The following PRR14 variants were observed in gnomAD, a reference collection of about 807,000 sequenced individuals.
The protein encoded by PRR14 is proline-rich protein 14.
In PRR14, 33 loss-of-function variants were observed where a neutral mutation model predicts 57.2. The observed-to-expected ratio is 0.58, with a 90% CI of 0.44 to 0.77. The LOEUF (loss-of-function observed/expected upper bound fraction) is 0.77, where lower values mean the gene tolerates loss of function less well. Among genes scored for constraint, PRR14 ranks in the 30% least tolerant of loss-of-function variants. The probability of loss-of-function intolerance (pLI) is 0.00; values close to 1 mark genes in which losing one functional copy is unlikely to be tolerated. For synonymous variants in PRR14, 303 were observed against 314.7 expected, an observed-to-expected ratio of 0.96 and a Z score of 0.39; for missense variants, 716 against 788.1, an observed-to-expected ratio of 0.91 and a Z score of 1.10.
intron 7 of PRR14, 27 bp from the exon 8 acceptor site, chr16:30,654,602 C>T: frequency 6.5e-7 from 1 of 1,540,332 alleles, no homozygotes; most frequent in Non-Finnish European, 8.8e-7. Flanking sequence ...CAAGGAATAT[C>T]CACCTGTGAC....
At chr16:30,654,120 CT>C (rs2052340410) in intron 6 of PRR14, 109 bp from the exon 7 acceptor site, 2 of 748,992 alleles carry the variant, frequency 2.7e-6, no homozygotes, top group East Asian at 4.9e-5. Context: ...CAGAGCAAGG[CT>C]CTGTCTCAAA....
chr16:30,656,168 C>T lies in PRR14; in HGVS notation c.1615C>T (p.Arg539Trp), dbSNP rs2052370376. The change falls in exon 12 of 12, where the codon CGG becomes TGG. Residue 539 changes from arginine (R) to tryptophan (W), a missense_variant. By Grantham distance (101) the Arg-to-Trp change is moderately radical. Coordinates refer to ENST00000300835, the MANE Select transcript of PRR14 (RefSeq NM_024031.5). Reference sequence around the variant, plus strand: ...ATCACGAAGACCGTCCCGTGGGGTCCGGGCTGCAGGGGGCAGGACTGTTCC... The same window carrying T: ...ATCACGAAGACCGTCCCGTGGGGTCTGGGCTGCAGGGGGCAGGACTGTTCC... ...PRSRRPSRGV[R>W]AAGGRTVPPN... 4.4e-6 allele frequency: 7 copies of T among 1,600,898 alleles called. No homozygotes were observed. The highest frequency in any genetic ancestry group is 1.7e-4 in the Middle Eastern group (1 of 6,016).
In PRR14 at chr16:30,652,278, G is replaced by A; in HGVS notation, c.192+314G>A. On this transcript the variant is annotated intron_variant, in intron 3 of 11. Coordinates refer to ENST00000300835, the MANE Select transcript of PRR14 (RefSeq NM_024031.5). ...AGGGTCTTGCTATGTTGCACAAGCT[G>A]GTCTCAAACTGGCATCAAGCGATCT... The A allele has an allele frequency of 5.1e-6, 3 of 587,148 alleles. 1 individual carries two copies. The highest frequency in any genetic ancestry group is 5.4e-4 in the Middle Eastern group (2 of 3,722). 36.4% of individuals were successfully genotyped at this position (587,148 alleles called of 1,614,324 possible). A position where few individuals can be genotyped will look rare whatever the true frequency, so the allele number is the denominator to read the frequency against.
rs3747481 is a variant in PRR14, at chr16:30,655,046, C to T, written c.1076C>T (p.Pro359Leu). Residue 359 changes from proline (P) to leucine (L), a missense_variant, in exon 8 of 12, where the codon CCG becomes CTG. Physicochemically the swap from Pro to Leu is moderately conservative, Grantham distance 98. Transcript: ENST00000300835. This position sits in a 1 kb window ranked among gnomAD's most constrained non-coding sequence, Gnocchi z 4.6. ...PAPPQPSRPR[P>L]RRHTVGGGEM... ...CCACCCCAACCAAGCCGACCACGGC[C>T]GCGGCGGCACACTGTGGGTGGTGGG... is the stretch of plus-strand genomic sequence containing the variant. The T allele has an allele frequency of 0.29, 461,941 of 1,610,330 alleles. 76,109 individuals carry two copies. The highest frequency in any genetic ancestry group is 0.67 in the South Asian group (61,088 of 90,998).
Position 30,651,564 on chromosome 16 carries a change from CCCCCCGCT to C in PRR14, c.-50-18_-50-11del, listed in dbSNP as rs904170859. 70 of 802,626 alleles carry C rather than the reference CCCCCCGCT, an allele frequency of 8.7e-5. No homozygotes were observed. Among genetic ancestry groups the C allele is most frequent in the Non-Finnish European group, 9.6e-5 (51 of 532,246 alleles). The allele number at this position is 802,626 out of a possible 1,614,324, so 49.7% of individuals were successfully genotyped here. ...GCCCCAGGGAAGGGGCCGGCCCTCA[CCCCCCGCT>C]CCCCCGCTCCCCCCTTACCCCAGGC... On this transcript the variant is annotated intron_variant, in intron 1 of 11. Transcript: ENST00000300835. This position sits in a 1 kb window ranked among gnomAD's most constrained non-coding sequence, Gnocchi z 5.0.
rs2052364326 is a variant in PRR14, at chr16:30,655,712, T to G, written c.1406+119T>G. On this transcript the variant is annotated intron_variant, in intron 10 of 11. Coordinates refer to ENST00000300835, the MANE Select transcript of PRR14 (RefSeq NM_024031.5). This position sits in a 1 kb window ranked among gnomAD's most constrained non-coding sequence, Gnocchi z 4.6. ...GTCCAGCCTGAAAGATTCAATTCGGTGTGGGGATGGTTTGTGCTCAAAATT... is the reference window on the plus strand; with the variant it reads ...GTCCAGCCTGAAAGATTCAATTCGGGGTGGGGATGGTTTGTGCTCAAAATT... 1 of 1,288,916 alleles carries G rather than the reference T, an allele frequency of 7.8e-7. No individual in the cohort carries two copies. Among genetic ancestry groups the G allele is most frequent in the African/African-American group, 1.5e-5 (1 of 68,208 alleles). 79.8% of individuals were successfully genotyped at this position (1,288,916 alleles called of 1,614,324 possible).
rs368629226 is a variant in PRR14 at position 30,651,094 on chromosome 16, GC to G, written c.-82del. 10 of 453,652 alleles carry G rather than the reference GC, an allele frequency of 2.2e-5. No individual in the cohort carries two copies. The highest frequency in any genetic ancestry group is 2.0e-4 in the African/African-American group (10 of 50,114). 28.1% of individuals were successfully genotyped at this position (453,652 alleles called of 1,614,324 possible). The stretch of plus-strand genomic sequence containing the variant: ...GCTGAAGCTTACAGGGGAAGGAAAA[GC>G]CTCGCCCGGCGTCTGATTGGCGGAA... On this transcript the variant is annotated 5_prime_UTR_variant, in exon 1 of 12. An upstream open reading frame in the 5' UTR loses its in-frame stop. Coordinates refer to ENST00000300835, the MANE Select transcript of PRR14 (RefSeq NM_024031.5). The surrounding 1 kb of genome is among the most constrained non-coding windows in gnomAD (Gnocchi z 5.0).
Position 30,656,393 on chromosome 16 carries a change from A to C in PRR14, c.*82A>C. The C allele has an allele frequency of 7.6e-7, 1 of 1,322,706 alleles. No individual in the cohort carries two copies. The highest frequency in any genetic ancestry group is 1.5e-5 in the African/African-American group (1 of 67,230). The allele number at this position is 1,322,706 out of a possible 1,614,324, so 81.9% of individuals were successfully genotyped here. A position where few individuals can be genotyped will look rare whatever the true frequency, so the allele number is the denominator to read the frequency against. ...TTTTTTTTTCTCTATATTTCTAGTAAAGTTTTCGATATGTTTCTGATTCTT... is the reference window on the plus strand; with the variant it reads ...TTTTTTTTTCTCTATATTTCTAGTACAGTTTTCGATATGTTTCTGATTCTT... On this transcript the variant is annotated 3_prime_UTR_variant, in exon 12 of 12. Coordinates refer to ENST00000300835, the MANE Select transcript of PRR14 (RefSeq NM_024031.5).
At position 30,651,622 on chromosome 16, in the gene PRR14, C is replaced by G. The variant is rs1402911991; in HGVS notation, c.-24C>G. ...CCGCAGCCTGGGATTCCCCAGGGAC[C>G]CCCCCGGAGCCGCCGCGTCTCCCAT... On this transcript the variant is annotated 5_prime_UTR_variant, in exon 2 of 12. Transcript: ENST00000300835. This position sits in a 1 kb window ranked among gnomAD's most constrained non-coding sequence, Gnocchi z 5.0. 1.3e-6 allele frequency: 2 copies of G among 1,584,460 alleles called. No individual in the cohort carries two copies. The highest frequency in any genetic ancestry group is 1.4e-5 in the African/African-American group (1 of 74,034).
In PRR14 at chr16:30,655,946, C is replaced by T. The variant is rs1567540026; in HGVS notation, c.1478+7C>T. The T allele has an allele frequency of 1.4e-5, 23 of 1,613,694 alleles. No individual in the cohort carries two copies. Among genetic ancestry groups the T allele is most frequent in the Non-Finnish European group, 1.9e-5 (22 of 1,179,680 alleles). ...AATCACCCACAACCAGGAGGTGAGACACTTGGAAGGCTAGAGGGTGGCAGA... is the reference window on the plus strand; with the variant it reads ...AATCACCCACAACCAGGAGGTGAGATACTTGGAAGGCTAGAGGGTGGCAGA... On this transcript the variant is annotated splice_region_variant and intron_variant, in intron 11 of 11. Transcript: ENST00000300835. The surrounding 1 kb of genome is among the most constrained non-coding windows in gnomAD (Gnocchi z 4.6).
upstream of PRR14, chr16:30,650,827 G>A (rs1400810714): frequency 3.0e-6 from 1 of 334,046 alleles, no homozygotes; most frequent in East Asian, 8.0e-5. Flanking sequence ...CTTGGGGGAG[G>A]GCAAGGAGTG....
At chr16:30,653,333 C>T in intron 5 of PRR14, 32 bp from the exon 6 acceptor site, 1 of 1,611,298 alleles carries the variant, frequency 6.2e-7, no homozygotes, top group Non-Finnish European at 8.5e-7. Context: ...GGCTTTCCTG[C>T]CTCCCCACAA....
At position 30,651,457 on chromosome 16, in the gene PRR14, G is replaced by A. The variant is rs1017786355; in HGVS notation, c.-50-139G>A. Reference sequence around the variant, plus strand: ...CAGCGGGAGGACACCCGCTCCGGGCGACCGGCCGGGGGCGCCCTTTCGCGC... The same window carrying A: ...CAGCGGGAGGACACCCGCTCCGGGCAACCGGCCGGGGGCGCCCTTTCGCGC... On this transcript the variant is annotated intron_variant, in intron 1 of 11. Transcript: ENST00000300835. This position sits in a 1 kb window ranked among gnomAD's most constrained non-coding sequence, Gnocchi z 5.0. The A allele has an allele frequency of 1.0e-4, 49 of 492,444 alleles. No homozygotes were observed. The highest frequency in any genetic ancestry group is 1.3e-4 in the Non-Finnish European group (37 of 281,294). 30.5% of individuals were successfully genotyped at this position (492,444 alleles called of 1,614,324 possible).
chr16:30,654,338 A>G lies in PRR14; in HGVS notation c.657A>G (p.Thr219=). The change falls in exon 7 of 12, where the codon ACA becomes ACG. Residue 219 remains threonine (T), a splice_region_variant and synonymous_variant. Transcript: ENST00000300835. The part of the protein sequence containing the change: ...LPADPLESPP[T]APDPALELPS... Reference sequence around the variant, plus strand: ...CAGACCCTCTGGAGAGCCCACCAACAGGTAAGGACTTGGGTAGAGATCGGA... The same window carrying G: ...CAGACCCTCTGGAGAGCCCACCAACGGGTAAGGACTTGGGTAGAGATCGGA... 6.2e-7 allele frequency: 1 copy of G among 1,609,988 alleles called. No individual in the cohort carries two copies.
At position 30,651,522 on chromosome 16, in the gene PRR14, G is replaced by A; in HGVS notation, c.-50-74G>A. 3.1e-6 allele frequency: 2 copies of A among 645,836 alleles called. No individual in the cohort carries two copies. Among genetic ancestry groups the A allele is most frequent in the Non-Finnish European group, 2.4e-6 (1 of 409,720 alleles). The allele number at this position is 645,836 out of a possible 1,614,324, so 40.0% of individuals were successfully genotyped here. On this transcript the variant is annotated intron_variant, in intron 1 of 11. Transcript: ENST00000300835. This position sits in a 1 kb window ranked among gnomAD's most constrained non-coding sequence, Gnocchi z 5.0. ...CGCTGGGCTACGGGGAGCCGCGGGC[G>A]GACCATGAAGGGCGGAGCCCCAGGG...
Position 30,654,626 on chromosome 16 carries a change from C to T in PRR14, c.659-3C>T. Reference sequence around the variant, plus strand: ...TCCACCTGTGACCCTCTCCTTTCCTCAGCCCCAGATCCTGCTCTGGAGCTC... The same window carrying T: ...TCCACCTGTGACCCTCTCCTTTCCTTAGCCCCAGATCCTGCTCTGGAGCTC... On this transcript the variant is annotated splice_region_variant and splice_polypyrimidine_tract_variant and intron_variant, in intron 7 of 11. Transcript: ENST00000300835. 2 of 1,590,542 alleles carry T rather than the reference C, an allele frequency of 1.3e-6. No individual in the cohort carries two copies. Among genetic ancestry groups the T allele is most frequent in the South Asian group, 2.3e-5 (2 of 88,756 alleles).
At chr16:30,652,057 C>A in intron 3 of PRR14, 93 bp downstream of exon 3, 1 of 1,350,976 alleles carries the variant, frequency 7.4e-7, no homozygotes, top group Non-Finnish European at 1.0e-6. Context: ...AACTGAAGTC[C>A]AAATCCATCA....
chr16:30,652,324 G>A, intron 3 of PRR14: 1 of 569,226 alleles, frequency 1.8e-6, no homozygotes, highest in South Asian at 1.5e-5. Context: ...GCCTCCCAAA[G>A]TATTGGGATT....
At position 30,651,154 on chromosome 16, in the gene PRR14, T is replaced by G. The variant is rs781432022; in HGVS notation, c.-51+27T>G. ...TAGGATTCTTTCCTCAGGGATCCAGTCTAGGGGATCTGGTGGGATGGAGGG... is the reference window on the plus strand; with the variant it reads ...TAGGATTCTTTCCTCAGGGATCCAGGCTAGGGGATCTGGTGGGATGGAGGG... On this transcript the variant is annotated intron_variant, in intron 1 of 11. Transcript: ENST00000300835. This position sits in a 1 kb window ranked among gnomAD's most constrained non-coding sequence, Gnocchi z 5.0. The G allele has an allele frequency of 2.1e-4, 91 of 427,514 alleles. No homozygotes were observed. The highest frequency in any genetic ancestry group is 1.0e-3 in the Middle Eastern group (3 of 2,960). 26.5% of individuals were successfully genotyped at this position (427,514 alleles called of 1,614,324 possible).
Sources: gnomAD v4.1 joint callset for allele counts on GRCh38, gnomAD v4.1.1 for gene constraint, Gnocchi (gnomAD v3.1) non-coding constraint, MANE v1.5 for transcripts, NCBI Gene and HGNC (gene_info 2026-07-23, HGNC 2026-07-21) for gene names.